The following ABCA1 variants were observed in gnomAD, a reference collection of about 807,000 sequenced individuals.
ABCA1 encodes phospholipid-transporting ATPase ABCA1.
Under a neutral mutation model 262.5 loss-of-function variants are expected in ABCA1, and 133 were observed. That is an observed-to-expected ratio of 0.51 (90% CI 0.44 to 0.59). The LOEUF (loss-of-function observed/expected upper bound fraction) is 0.59. ABCA1 is among the 20% of genes least tolerant of loss of function. The pLI, the probability that ABCA1 is intolerant of heterozygous loss-of-function variation, is 0.00. For synonymous variants in ABCA1, 1,022 were observed against 1,043.5 expected (o/e 0.98, Z 0.40); for missense variants, 2,452 against 2,777.5 (o/e 0.88, Z 2.63).
At position 104,858,534 on chromosome 9, in the gene ABCA1, C is replaced by A. The variant is rs150572064; in HGVS notation, c.708G>T (p.Leu236=). The change falls in exon 7 of 50, where the codon CTG becomes CTT. Residue 236 remains leucine (L), a synonymous_variant. Coordinates refer to ENST00000374736, the MANE Select transcript of ABCA1 (RefSeq NM_005502.4). ...ERVLRSNMDI[L]KPILRTLNST... Reference sequence around the variant, plus strand: ...CAAGTCTACTCACCAGGATTGGCTTCAGGATGTCCATGTTGGAACGAAGTA... The same window carrying A: ...CAAGTCTACTCACCAGGATTGGCTTAAGGATGTCCATGTTGGAACGAAGTA... 41 of 1,613,748 alleles carry A rather than the reference C, an allele frequency of 2.5e-5. No homozygotes were observed. The highest frequency in any genetic ancestry group is 5.1e-6 in the Non-Finnish European group (6 of 1,180,028).
In ABCA1 at chr9:104,831,023, A is replaced by G. The variant is rs749630866; in HGVS notation, c.1794T>C (p.Asp598=). 2 of 1,613,812 alleles carry G rather than the reference A, an allele frequency of 1.2e-6. No homozygotes were observed. Among genetic ancestry groups the G allele is most frequent in the Middle Eastern group, 1.7e-4 (1 of 6,058 alleles). The change falls in exon 14 of 50, where the codon GAT becomes GAC. Residue 598 remains aspartate (D), a synonymous_variant. Transcript: ENST00000374736. ...YVWGGFAYLQ[D]VVEQAIIRVL... is the part of the protein sequence containing the mutation. ...CCCTGATGATTGCCTGCTCCACCACATCCTGCAAGTAGGCGAAGCCCCCCC... is the reference window on the plus strand; with the variant it reads ...CCCTGATGATTGCCTGCTCCACCACGTCCTGCAAGTAGGCGAAGCCCCCCC...
rs747659072 is a variant in ABCA1, at chr9:104,786,296, A to G, written c.6401+2T>C. The G allele has an allele frequency of 6.2e-7, 1 of 1,611,106 alleles. No homozygotes were observed. The highest frequency in any genetic ancestry group is 2.2e-5 in the East Asian group (1 of 44,860). ...CTATCCCAAAGAAATTATCTTTATT[A>G]CCTATTTTTTAGATGCTGGACACTG... On this transcript the variant is annotated splice_donor_variant, in intron 48 of 49. Coordinates refer to ENST00000374736, the MANE Select transcript of ABCA1 (RefSeq NM_005502.4). LOFTEE classifies it high-confidence loss of function.
intron 2 of ABCA1, among the ~76,000 whole-genome samples, chr9:104,895,915 T>C (rs1840162050): frequency 6.6e-6 from 1 of 152,142 alleles, no homozygotes; most frequent in Non-Finnish European, 1.5e-5. Flanking sequence ...CAGAATAAAA[T>C]TGGGCCTTAG....
At chr9:104,891,828 G>A (rs560681875) in intron 2 of ABCA1, among the ~76,000 whole-genome samples, 2 of 151,782 alleles carry the variant, frequency 1.3e-5, no homozygotes, top group Admixed American at 6.5e-5. Flanking sequence ...AGCCGGGCGT[G>A]GTGGTGCATG....
At chr9:104,896,709 ATCTTTTTTTTTTTTTT>A in intron 2 of ABCA1, among the ~76,000 whole-genome samples, 1 of 78,294 alleles carries the variant, frequency 1.3e-5, no homozygotes, top group African/African-American at 5.4e-5. Context: ...CTCCCTACAC[ATCTTTTTTTTTTTTTT>A]TTTTTTTTTT....
intron 4 of ABCA1, among the ~76,000 whole-genome samples, chr9:104,883,578 T>C (rs1036538809): frequency 6.6e-6 from 1 of 152,226 alleles, no homozygotes; most frequent in South Asian, 2.1e-4. Context: ...ACACTAAAAA[T>C]GTATGAATAA....
intron 47 of ABCA1, 133 bp from the exon 48 acceptor site, chr9:104,786,523 A>G (rs1253200431): frequency 8.4e-6 from 7 of 829,800 alleles, no homozygotes; most frequent in Non-Finnish European, 1.4e-5. Flanking sequence ...TATAGGGATG[A>G]TGCTGTTCAG....
intron 1 of ABCA1, among the ~76,000 whole-genome samples, chr9:104,922,413 A>C (rs1163410215): frequency 6.6e-6 from 1 of 152,060 alleles, no homozygotes; most frequent in Non-Finnish European, 1.5e-5. Context: ...AGATTGGTAA[A>C]CTCACGGAAG....
chr9:104,889,947 T>C (rs1443986868), intron 2 of ABCA1, among the ~76,000 whole-genome samples: 1 of 152,182 alleles, frequency 6.6e-6, no homozygotes, highest in Non-Finnish European at 1.5e-5. Flanking sequence ...ACAAGCATGA[T>C]ACACTGGTTA....
At chr9:104,920,347 T>G (rs1453001092) in intron 1 of ABCA1, among the ~76,000 whole-genome samples, 2 of 152,210 alleles carry the variant, frequency 1.3e-5, no homozygotes, top group Non-Finnish European at 2.9e-5. Context: ...TAACTAAAAT[T>G]TAATGTTCCA....
intron 42 of ABCA1, 41 bp downstream of exon 42, chr9:104,792,745 A>G: frequency 6.2e-7 from 1 of 1,613,900 alleles, no homozygotes; most frequent in Non-Finnish European, 8.5e-7. Context: ...ATAAAGCTGA[A>G]AAAAACTGAA....
chr9:104,786,206 C>CT (rs1270896416), intron 48 of ABCA1, 92 bp downstream of exon 48: 2 of 1,112,108 alleles, frequency 1.8e-6, no homozygotes, highest in Non-Finnish European at 2.7e-6. Context: ...TTTTATTTCC[C>CT]TTTATGTTAG....
In ABCA1 at chr9:104,793,117, G is replaced by A. The variant is rs535507376; in HGVS notation, c.5636+54C>T. ...CCCATTGGTGAGTGTTTCCCTGTGC[G>A]CCTCCTCTGTGACCCTCAACCAGGT... is the stretch of plus-strand genomic sequence containing the variant. On this transcript the variant is annotated intron_variant, in intron 41 of 49. Transcript: ENST00000374736. The A allele has an allele frequency of 4.2e-5, 68 of 1,610,428 alleles. No individual in the cohort carries two copies. In the East Asian group the frequency reaches 7.6e-4, roughly 18 times the overall value.
At position 104,786,137 on chromosome 9, in the gene ABCA1, A is replaced by T. The variant is rs1364215861; in HGVS notation, c.6401+161T>A. Among the ~76,000 whole-genome samples the T allele has an allele frequency of 1.3e-5, 2 of 152,216 alleles. 1 individual carries two copies. Among genetic ancestry groups the T allele is most frequent in the Non-Finnish European group, 2.9e-5 (2 of 68,038 alleles). On this transcript the variant is annotated intron_variant, in intron 48 of 49. Transcript: ENST00000374736. ...AGAACCAGTAAATGGTAAAGACAGA[A>T]TTTGAATGCAGTTCGGACTTCAAAG... is the stretch of plus-strand genomic sequence containing the variant.
intron 24 of ABCA1, 110 bp from the exon 25 acceptor site, chr9:104,816,455 C>T (rs1214989312): frequency 4.0e-6 from 4 of 1,007,960 alleles, no homozygotes; most frequent in South Asian, 2.6e-5. Context: ...TACACCACAC[C>T]TGTTCCAGGT....
At chr9:104,879,383 A>G (rs1371668644) in intron 5 of ABCA1, among the ~76,000 whole-genome samples, 2 of 152,236 alleles carry the variant, frequency 1.3e-5, no homozygotes, top group African/African-American at 4.8e-5. Flanking sequence ...AGGGGTGGTT[A>G]GTCTCCACTG....
rs1564130744 is a variant in ABCA1 at position 104,821,502 on chromosome 9, T to A, written c.2833A>T (p.Ile945Phe). The A allele has an allele frequency of 1.2e-6, 2 of 1,613,842 alleles. No individual in the cohort carries two copies. Among genetic ancestry groups the A allele is most frequent in the Non-Finnish European group, 1.7e-6 (2 of 1,179,994 alleles). The change falls in exon 20 of 50, where the codon ATC (isoleucine) becomes TTC (phenylalanine). Residue 945 changes from isoleucine (I) to phenylalanine (F), a missense_variant. This residue lies in a region of ABCA1 where 665 missense variants were observed against 727.3 expected (regional missense o/e 0.91). Coordinates refer to ENST00000374736, the MANE Select transcript of ABCA1 (RefSeq NM_005502.4). Reference sequence around the variant, plus strand: ...GTCGGGGGGAACAACCCGGTCAGGATTGACCTGAGGACAAAAATTTAGAAG... The same window carrying A: ...GTCGGGGGGAACAACCCGGTCAGGAATGACCTGAGGACAAAAATTTAGAAG... ...NGAGKTTTMS[I>F]LTGLFPPTSG...
chr9:104,815,266 A>G (rs919021024), intron 25 of ABCA1, among the ~76,000 whole-genome samples: 1 of 152,254 alleles, frequency 6.6e-6, no homozygotes, highest in South Asian at 2.1e-4. Context: ...CACTGTGTCC[A>G]AAGTATGCAA....
intron 5 of ABCA1, among the ~76,000 whole-genome samples, chr9:104,882,041 A>AAAAAAAAAAAAAAAAAAAAAC (rs1838710089): frequency 2.0e-5 from 3 of 146,612 alleles, no homozygotes; most frequent in South Asian, 4.3e-4. Flanking sequence ...AAAAAAAAAA[A>AAAAAAAAAAAAAAAAAAAAAC]AAAAAAAAAA....
Sources: gnomAD v4.1 joint callset for allele counts (sites outside exome capture counted in the v4.1 genomes callset) on GRCh38, gnomAD v4.1.1 for gene constraint, gnomAD v4.1.1 regional missense constraint, MANE v1.5 for transcripts, NCBI Gene and HGNC (gene_info 2026-07-23, HGNC 2026-07-21) for gene names.